The following ZSWIM6 variants were observed in gnomAD, a reference collection of about 807,000 sequenced individuals.
ZSWIM6 encodes zinc finger SWIM domain-containing protein 6.
ZSWIM6 carries 9 observed loss-of-function variants against 113.2 expected under a neutral mutation model. The ratio of observed to expected loss-of-function variants is 0.08; its 90% CI spans 0.05 to 0.14. The LOEUF (loss-of-function observed/expected upper bound fraction) is 0.14, where lower values mean the gene tolerates loss of function less well. Among genes scored for constraint, ZSWIM6 ranks in the 10% least tolerant of loss-of-function variants. ZSWIM6 has a pLI of 1.00. For synonymous variants in ZSWIM6, 611 were observed against 606.5 expected (o/e 1.01, Z -0.11); for missense variants, 1,162 against 1,552.2 (o/e 0.75, Z 4.22).
At chr5:61,395,741 A>G (rs1263999309) in intron 1 of ZSWIM6, among the ~76,000 whole-genome samples, 1 of 152,222 alleles carries the variant, frequency 6.6e-6, no homozygotes, top group Admixed American at 6.5e-5. Flanking sequence ...CAAAGTTTTT[A>G]TAAGTAAGCC....
intron 1 of ZSWIM6, among the ~76,000 whole-genome samples, chr5:61,407,340 A>C (rs1746065289): frequency 1.3e-5 from 2 of 152,240 alleles, no homozygotes; most frequent in South Asian, 4.1e-4. Flanking sequence ...AACTGAAAAC[A>C]TAAAAATATT....
At chr5:61,424,337 G>C (rs1746419561) in intron 1 of ZSWIM6, among the ~76,000 whole-genome samples, 1 of 152,184 alleles carries the variant, frequency 6.6e-6, no homozygotes, top group African/African-American at 2.4e-5. Context: ...GTAGTTACTA[G>C]CTCTGAGAGA....
chr5:61,446,211 G>A (rs952279665), intron 1 of ZSWIM6, among the ~76,000 whole-genome samples: 10 of 152,306 alleles, frequency 6.6e-5, no homozygotes, highest in African/African-American at 1.9e-4. Context: ...TTTTAGTAGA[G>A]ACGGGGTTTC....
chr5:61,535,058 C>G lies in ZSWIM6; in HGVS notation c.2246-426C>G, dbSNP rs537622001. Reference sequence around the variant, plus strand: ...CTGGAAACCTGGCATATTTGTGTCCCTAACCCTTCTTAGGTCCAGGGGTAG... The same window carrying G: ...CTGGAAACCTGGCATATTTGTGTCCGTAACCCTTCTTAGGTCCAGGGGTAG... On this transcript the variant is annotated intron_variant, in intron 9 of 13. Transcript: ENST00000252744. Among the ~76,000 whole-genome samples the G allele has an allele frequency of 9.8e-5, 15 of 152,298 alleles. No homozygotes were observed. In the East Asian group the frequency reaches 2.9e-3, roughly 29 times the overall value.
chr5:61,447,256 A>T (rs1746975066), intron 1 of ZSWIM6, among the ~76,000 whole-genome samples: 2 of 152,176 alleles, frequency 1.3e-5, no homozygotes, highest in South Asian at 4.1e-4. Flanking sequence ...GTATTAAAAA[A>T]AAGTCAGTTT....
chr5:61,538,662 A>G (rs2112288340), intron 10 of ZSWIM6, among the ~76,000 whole-genome samples, 152 bp from the exon 11 acceptor site: 1 of 152,358 alleles, frequency 6.6e-6, no homozygotes, highest in South Asian at 2.1e-4. Context: ...TTTTGCACCC[A>G]CACAGCAGAG....
At chr5:61,474,044 A>G (rs1478794775) in intron 2 of ZSWIM6, among the ~76,000 whole-genome samples, 2 of 152,240 alleles carry the variant, frequency 1.3e-5, no homozygotes, top group African/African-American at 4.8e-5. Flanking sequence ...CACCCAGGCC[A>G]AGAAATAGAT....
At chr5:61,390,935 G>T in intron 1 of ZSWIM6, 1 of 802,864 alleles carries the variant, frequency 1.2e-6, no homozygotes. Context: ...CCCCCAGAGG[G>T]TGGCTTGTCA....
At chr5:61,521,115 A>T in intron 4 of ZSWIM6, 148 bp from the exon 5 acceptor site, 1 of 343,782 alleles carries the variant, frequency 2.9e-6, no homozygotes, top group Non-Finnish European at 4.4e-6. Flanking sequence ...ATTTATAATT[A>T]ACTTGATAAT....
intron 5 of ZSWIM6, among the ~76,000 whole-genome samples, chr5:61,522,173 T>C (rs1048270016): frequency 6.6e-6 from 1 of 151,964 alleles, no homozygotes; most frequent in East Asian, 1.9e-4. Context: ...CTCCCATCTT[T>C]AAAAAACTTC....
intron 1 of ZSWIM6, among the ~76,000 whole-genome samples, chr5:61,421,600 A>G (rs972456526): frequency 6.6e-6 from 1 of 152,158 alleles, no homozygotes; most frequent in African/African-American, 2.4e-5. Context: ...TAAACCCAGT[A>G]CCCAACAGTT....
At chr5:61,424,254 G>A (rs1475497150) in intron 1 of ZSWIM6, among the ~76,000 whole-genome samples, 2 of 152,158 alleles carry the variant, frequency 1.3e-5, no homozygotes, top group Non-Finnish European at 2.9e-5. Flanking sequence ...GGTGAGGCTA[G>A]GTAACTATTT....
chr5:61,448,946 A>G (rs1176091909), intron 1 of ZSWIM6, among the ~76,000 whole-genome samples: 1 of 152,236 alleles, frequency 6.6e-6, no homozygotes, highest in Non-Finnish European at 1.5e-5. Context: ...GCCTGCAAGG[A>G]GAACCTGCTG....
At chr5:61,454,572 T>G (rs1367904432) in intron 1 of ZSWIM6, among the ~76,000 whole-genome samples, 1 of 151,028 alleles carries the variant, frequency 6.6e-6, no homozygotes, top group Non-Finnish European at 1.5e-5. Flanking sequence ...CCTAAGTTTT[T>G]TTTTTTTTTT....
intron 1 of ZSWIM6, among the ~76,000 whole-genome samples, chr5:61,423,642 T>C (rs150757561): frequency 6.6e-6 from 1 of 152,284 alleles, no homozygotes; most frequent in Non-Finnish European, 1.5e-5. Context: ...ACCACCCAGA[T>C]GGTAAGTTCA....
intron 1 of ZSWIM6, among the ~76,000 whole-genome samples, chr5:61,427,162 T>C (rs766714523): frequency 1.3e-5 from 2 of 152,220 alleles, no homozygotes; most frequent in Non-Finnish European, 2.9e-5. Context: ...AGCCTACATT[T>C]TAAAGTTTTT....
At chr5:61,421,015 G>T (rs1746344912) in intron 1 of ZSWIM6, among the ~76,000 whole-genome samples, 1 of 151,820 alleles carries the variant, frequency 6.6e-6, no homozygotes, top group Admixed American at 6.6e-5. Flanking sequence ...TGCCTCCCAG[G>T]TTCAAGCAGT....
At chr5:61,417,826 C>T (rs192057271) in intron 1 of ZSWIM6, among the ~76,000 whole-genome samples, 1 of 152,272 alleles carries the variant, frequency 6.6e-6, no homozygotes, top group Admixed American at 6.5e-5. Flanking sequence ...GCAGATTGTA[C>T]ATATCACAGT....
chr5:61,517,257 C>T (rs760789026), intron 4 of ZSWIM6, among the ~76,000 whole-genome samples: 7 of 152,068 alleles, frequency 4.6e-5, no homozygotes, highest in Non-Finnish European at 1.0e-4. Context: ...AATCGAAAGA[C>T]ATAAATGTTA....
Sources: gnomAD v4.1 joint callset for allele counts (sites outside exome capture counted in the v4.1 genomes callset) on GRCh38, gnomAD v4.1.1 for gene constraint, MANE v1.5 for transcripts, NCBI Gene and HGNC (gene_info 2026-07-23, HGNC 2026-07-21) for gene names.